Variants in FLYWCH2 observed in about 807,000 individuals in gnomAD.
The protein encoded by FLYWCH2 is FLYWCH family member 2.
FLYWCH2 carries 2 observed loss-of-function variants against 6.0 expected under a neutral mutation model. The ratio of observed to expected loss-of-function variants is 0.33; its 90% CI spans 0.14 to 1.04. The LOEUF is 1.04. Among genes scored for constraint, FLYWCH2 ranks in the 50% least tolerant of loss-of-function variants. The probability of loss-of-function intolerance (pLI) is 0.45; values close to 1 mark genes in which losing one functional copy is unlikely to be tolerated. For missense variants in FLYWCH2, 192 were observed against 183.4 expected, an observed-to-expected ratio of 1.05 and a Z score of -0.27; for synonymous variants, 87 against 79.3, an observed-to-expected ratio of 1.10 and a Z score of -0.52.
Position 2,896,439 on chromosome 16 carries a change from T to G in FLYWCH2, c.-11T>G. ...TGAGTGTGGCCTGAGGGACAGGCCC[T>G]GGGTCCCGGGATGCCCCTGCCCGAG... is the stretch of plus-strand genomic sequence containing the variant. On this transcript the variant is annotated 5_prime_UTR_variant, in exon 3 of 4. Transcript: ENST00000396958. 6.2e-7 allele frequency: 1 copy of G among 1,604,862 alleles called. No individual in the cohort carries two copies. Among genetic ancestry groups the G allele is most frequent in the South Asian group, 1.1e-5 (1 of 89,912 alleles).
chr16:2,889,066 T>G (rs1448006601), intron 1 of FLYWCH2, among the ~76,000 whole-genome samples: 1 of 151,974 alleles, frequency 6.6e-6, no homozygotes, highest in East Asian at 1.9e-4. Flanking sequence ...TAAAAATGAT[T>G]CATAAAACAC....
intron 1 of FLYWCH2, among the ~76,000 whole-genome samples, chr16:2,884,787 A>G (rs1195319569): frequency 6.6e-6 from 1 of 150,674 alleles, no homozygotes; most frequent in Non-Finnish European, 1.5e-5. Flanking sequence ...GACAGGAGAA[A>G]GGCTTGAACC....
intron 1 of FLYWCH2, among the ~76,000 whole-genome samples, chr16:2,894,975 C>G (rs1177973857): frequency 2.0e-5 from 3 of 152,098 alleles, no homozygotes; most frequent in Admixed American, 6.5e-5. Flanking sequence ...TGTCTCTGGG[C>G]CTTGTCCTGC....
chr16:2,894,643 C>T (rs2069797187), intron 1 of FLYWCH2, among the ~76,000 whole-genome samples: 1 of 152,212 alleles, frequency 6.6e-6, no homozygotes, highest in African/African-American at 2.4e-5. Flanking sequence ...CCGATCCCTG[C>T]GGTACTCTGC....
At chr16:2,888,396 G>A (rs1470177556) in intron 1 of FLYWCH2, among the ~76,000 whole-genome samples, 3 of 147,154 alleles carry the variant, frequency 2.0e-5, no homozygotes, top group African/African-American at 7.6e-5. Flanking sequence ...TGTCAGTCCT[G>A]CAAGTTTTTT....
At chr16:2,891,563 C>G (rs1230878740) in intron 1 of FLYWCH2, among the ~76,000 whole-genome samples, 1 of 152,040 alleles carries the variant, frequency 6.6e-6, no homozygotes, top group Non-Finnish European at 1.5e-5. Context: ...CGCCACCACG[C>G]CCGTCTAATT....
chr16:2,892,622 G>A (rs1173124172), intron 1 of FLYWCH2, among the ~76,000 whole-genome samples: 1 of 151,946 alleles, frequency 6.6e-6, no homozygotes. Flanking sequence ...GAGGCGGGTG[G>A]ATCACGAGGT....
rs568555336 is a variant in FLYWCH2, at chr16:2,890,471, G to T, written c.-199-4749G>T. ...CTCTTGTTGCCCAGGCTGGAGTGCA[G>T]TGGCGCGATCTTGGCTCACCGCAAT... On this transcript the variant is annotated intron_variant, in intron 1 of 3. Coordinates refer to ENST00000396958, the MANE Select transcript of FLYWCH2 (RefSeq NM_138439.3). 6.0e-5 allele frequency among the ~76,000 whole-genome samples: 9 copies of T among 150,968 alleles called. No homozygotes were observed. In the South Asian group the frequency reaches 1.7e-3, roughly 28 times the overall value.
intron 1 of FLYWCH2, among the ~76,000 whole-genome samples, chr16:2,888,922 A>G (rs1330341060): frequency 6.6e-6 from 1 of 152,130 alleles, no homozygotes; most frequent in Non-Finnish European, 1.5e-5. Context: ...TTATTATTGC[A>G]CTACTTAGGA....
In FLYWCH2 at chr16:2,883,349, A is replaced by T. The variant is rs1234851970; in HGVS notation, c.-217A>T. ...GCCGCGGCGCTGTCGCCGGAGAGGG[A>T]GGGCACCGCTGTCGTCGGTGAGGAC... On this transcript the variant is annotated 5_prime_UTR_variant, in exon 1 of 4. Transcript: ENST00000396958. 1 of 151,824 alleles carries T rather than the reference A, an allele frequency of 6.6e-6. No homozygotes were observed. The highest frequency in any genetic ancestry group is 2.4e-5 in the African/African-American group (1 of 41,178). 9.4% of individuals were successfully genotyped at this position (151,824 alleles called of 1,614,324 possible). A position where few individuals can be genotyped will look rare whatever the true frequency, so the allele number is the denominator to read the frequency against.
chr16:2,896,442 G>T lies in FLYWCH2; in HGVS notation c.-8G>T. The T allele has an allele frequency of 6.2e-7, 1 of 1,606,374 alleles. No homozygotes were observed. The highest frequency in any genetic ancestry group is 2.2e-5 in the East Asian group (1 of 44,828). On this transcript the variant is annotated 5_prime_UTR_variant, in exon 3 of 4. Coordinates refer to ENST00000396958, the MANE Select transcript of FLYWCH2 (RefSeq NM_138439.3). ...GTGTGGCCTGAGGGACAGGCCCTGG[G>T]TCCCGGGATGCCCCTGCCCGAGCCC...
In FLYWCH2 at chr16:2,899,153, T is replaced by C. The variant is rs2069855941; in HGVS notation, c.*4T>C. 6 of 1,610,658 alleles carry C rather than the reference T, an allele frequency of 3.7e-6. No homozygotes were observed. The highest frequency in any genetic ancestry group is 5.1e-6 in the Non-Finnish European group (6 of 1,178,310). On this transcript the variant is annotated 3_prime_UTR_variant, in exon 4 of 4. Transcript: ENST00000396958. Reference sequence around the variant, plus strand: ...GGCGCCCGGCAAGTCCCTGTAACCTTGACAACAGGCGCATCCTCCCAGGCC... The same window carrying C: ...GGCGCCCGGCAAGTCCCTGTAACCTCGACAACAGGCGCATCCTCCCAGGCC...
chr16:2,885,058 C>G (rs2069682932), intron 1 of FLYWCH2, among the ~76,000 whole-genome samples: 1 of 152,084 alleles, frequency 6.6e-6, no homozygotes, highest in Admixed American at 6.5e-5. Flanking sequence ...CGCGGTGGCT[C>G]ACGCCTGTTA....
chr16:2,899,025 C>T (rs550299892), intron 3 of FLYWCH2, 24 bp from the exon 4 acceptor site: 1 of 1,595,264 alleles, frequency 6.3e-7, no homozygotes, highest in African/African-American at 1.4e-5. Context: ...TGACACCAGC[C>T]TGATCCACCC....
At chr16:2,894,970 C>T (rs1440928881) in intron 1 of FLYWCH2, among the ~76,000 whole-genome samples, 1 of 152,156 alleles carries the variant, frequency 6.6e-6, no homozygotes, top group Non-Finnish European at 1.5e-5. Context: ...GTGGGTGTCT[C>T]TGGGCCTTGT....
chr16:2,896,537 C>G lies in FLYWCH2; in HGVS notation c.88C>G (p.Pro30Ala). 6.2e-7 allele frequency: 1 copy of G among 1,614,166 alleles called. No homozygotes were observed. The highest frequency in any genetic ancestry group is 8.5e-7 in the Non-Finnish European group (1 of 1,180,020). Reference sequence around the variant, plus strand: ...CCCCAAGCCAGGCACAGAAGTCATCCCGGCAGCCCCCAGGAAGCCCAGAAA... The same window carrying G: ...CCCCAAGCCAGGCACAGAAGTCATCGCGGCAGCCCCCAGGAAGCCCAGAAA... The part of the protein sequence containing the change: ...PSPKPGTEVI[P>A]AAPRKPRKFS... Residue 30 changes from proline to alanine, a missense_variant, in exon 3 of 4, where the codon CCG becomes GCG. By Grantham distance (27) the Pro-to-Ala change is conservative (BLOSUM62 -1). Coordinates refer to ENST00000396958, the MANE Select transcript of FLYWCH2 (RefSeq NM_138439.3).
intron 1 of FLYWCH2, among the ~76,000 whole-genome samples, chr16:2,885,230 G>A (rs1267045261): frequency 2.0e-5 from 3 of 152,236 alleles, no homozygotes; most frequent in South Asian, 2.1e-4. Flanking sequence ...GCTGAGGCAG[G>A]AGAATGGCGT....
At chr16:2,883,757 G>C (rs1315519183) in intron 1 of FLYWCH2, among the ~76,000 whole-genome samples, 1 of 152,238 alleles carries the variant, frequency 6.6e-6, no homozygotes, top group African/African-American at 2.4e-5. Flanking sequence ...GGGCGGGGGA[G>C]ACACTCGGGG....
chr16:2,892,809 A>G (rs1166365962), intron 1 of FLYWCH2, among the ~76,000 whole-genome samples: 1 of 148,992 alleles, frequency 6.7e-6, no homozygotes, highest in Non-Finnish European at 1.5e-5. Context: ...ACGCCACTGC[A>G]CTCCAGCCTG....
Sources: allele counts gnomAD v4.1 joint callset (sites outside exome capture counted in the v4.1 genomes callset), GRCh38; gene constraint gnomAD v4.1.1; transcripts MANE v1.5; gene names NCBI Gene and HGNC (gene_info 2026-07-23, HGNC 2026-07-21).